The following PTPRO variants were observed in gnomAD, a reference collection of about 807,000 sequenced individuals.
PTPRO encodes the protein receptor-type tyrosine-protein phosphatase O.
Under a neutral mutation model 145.2 loss-of-function variants are expected in PTPRO, and 62 were observed. The observed-to-expected ratio is 0.43, with a 90% CI of 0.35 to 0.53. PTPRO has a LOEUF of 0.53. Among genes scored for constraint, PTPRO ranks in the 20% least tolerant of loss-of-function variants. The pLI, the probability that PTPRO is intolerant of heterozygous loss-of-function variation, is 0.01. For missense variants in PTPRO, 1,345 were observed against 1,482.7 expected, an observed-to-expected ratio of 0.91 and a Z score of 1.53; for synonymous variants, 565 against 514.7, an observed-to-expected ratio of 1.10 and a Z score of -1.32.
chr12:15,378,554 A>G (rs1938758772), intron 1 of PTPRO, among the ~76,000 whole-genome samples: 1 of 152,278 alleles, frequency 6.6e-6, no homozygotes, highest in Middle Eastern at 3.4e-3. Context: ...GTAATTTAAG[A>G]TATTCCAGTA....
intron 1 of PTPRO, among the ~76,000 whole-genome samples, chr12:15,384,340 CTTAG>C (rs1376744566): frequency 3.9e-5 from 6 of 152,022 alleles, no homozygotes; most frequent in East Asian, 1.9e-4. Flanking sequence ...AGGTCACTGT[CTTAG>C]TTAGTTTGAA....
At chr12:15,360,031 C>G (rs776814901) in intron 1 of PTPRO, among the ~76,000 whole-genome samples, 7 of 152,126 alleles carry the variant, frequency 4.6e-5, no homozygotes, top group Non-Finnish European at 1.0e-4. Context: ...CTTTATCTTT[C>G]AAGCCACCAT....
chr12:15,494,813 C>T (rs966237228), intron 2 of PTPRO, among the ~76,000 whole-genome samples: 1 of 152,188 alleles, frequency 6.6e-6, no homozygotes, highest in South Asian at 2.1e-4. Flanking sequence ...GCCCTTCTAA[C>T]TTCTCTTTTC....
Position 15,469,671 on chromosome 12 carries a change from G to A in PTPRO, c.76-14303G>A, listed in dbSNP as rs147612748. Among the ~76,000 whole-genome samples, 5 of 149,208 alleles carry A rather than the reference G, an allele frequency of 3.4e-5. No individual in the cohort carries two copies. In the East Asian group the frequency reaches 1.0e-3, roughly 30 times the overall value. The stretch of plus-strand genomic sequence containing the variant: ...AGAAATACTGACTGCTCTTGTTCGT[G>A]ATGCCACAAAGAGAAGTAATACTGA... On this transcript the variant is annotated intron_variant, in intron 1 of 26. Transcript: ENST00000281171.
chr12:15,425,246 C>A (rs1302416562), intron 1 of PTPRO, among the ~76,000 whole-genome samples: 1 of 152,102 alleles, frequency 6.6e-6, no homozygotes, highest in Non-Finnish European at 1.5e-5. Context: ...CTAACAAATA[C>A]TTATTATGTA....
chr12:15,386,563 G>C (rs1939035543), intron 1 of PTPRO, among the ~76,000 whole-genome samples: 1 of 152,084 alleles, frequency 6.6e-6, no homozygotes. Flanking sequence ...AAATTGCCAT[G>C]TTGTATGGCA....
chr12:15,532,580 C>A (rs1010815930), intron 12 of PTPRO, among the ~76,000 whole-genome samples: 1 of 152,158 alleles, frequency 6.6e-6, no homozygotes, highest in Non-Finnish European at 1.5e-5. Flanking sequence ...CTCAAGGGGG[C>A]ACTAGTGCCC....
intron 9 of PTPRO, among the ~76,000 whole-genome samples, chr12:15,519,262 G>A (rs776085487): frequency 1.1e-4 from 17 of 152,144 alleles, no homozygotes; most frequent in East Asian, 7.7e-4. Flanking sequence ...AGAACAGCAC[G>A]GGAAAGACCT....
rs560943869 is a variant in PTPRO, at chr12:15,407,321, T to C, written c.76-76653T>C. Among the ~76,000 whole-genome samples, 8 of 152,314 alleles carry C rather than the reference T, an allele frequency of 5.3e-5. No individual in the cohort carries two copies. The East Asian group carries it at 1.5e-3, about 29-fold the overall frequency. On this transcript the variant is annotated intron_variant, in intron 1 of 26. Coordinates refer to ENST00000281171, the MANE Select transcript of PTPRO (RefSeq NM_030667.3). ...CAGTTTATCTGAAGGCTCATTGAAA[T>C]TCATTTTGTGCATAAACAAAAAACT...
At chr12:15,506,863 G>A (rs1205371002) in intron 6 of PTPRO, among the ~76,000 whole-genome samples, 6 of 152,162 alleles carry the variant, frequency 3.9e-5, no homozygotes, top group Admixed American at 3.9e-4. Context: ...CAATGACTGA[G>A]ATTCAGAGAG....
chr12:15,351,089 CAG>C (rs1937788908), intron 1 of PTPRO, among the ~76,000 whole-genome samples: 1 of 151,982 alleles, frequency 6.6e-6, no homozygotes, highest in African/African-American at 2.4e-5. Context: ...CTTGGAGAAA[CAG>C]AGACCATACA....
intron 9 of PTPRO, among the ~76,000 whole-genome samples, chr12:15,518,384 C>T (rs953800423): frequency 2.0e-5 from 3 of 152,354 alleles, no homozygotes; most frequent in East Asian, 3.9e-4. Flanking sequence ...CCCAGGCCTC[C>T]AGGCCTGTGA....
At chr12:15,415,066 G>A (rs1053985909) in intron 1 of PTPRO, among the ~76,000 whole-genome samples, 1 of 152,170 alleles carries the variant, frequency 6.6e-6, no homozygotes, top group South Asian at 2.1e-4. Context: ...AGGGAAATGG[G>A]AAAGAGCTGG....
At chr12:15,333,711 G>A (rs555204830) in intron 1 of PTPRO, among the ~76,000 whole-genome samples, 1 of 152,300 alleles carries the variant, frequency 6.6e-6, no homozygotes, top group East Asian at 1.9e-4. Context: ...ACCTGGAGAT[G>A]CCATTTTGCT....
chr12:15,534,941 T>C (rs1943037872), intron 12 of PTPRO, among the ~76,000 whole-genome samples: 1 of 152,060 alleles, frequency 6.6e-6, no homozygotes, highest in South Asian at 2.1e-4. Flanking sequence ...CTACGGTGGT[T>C]GTAATGGAGA....
chr12:15,364,577 G>A (rs1017857038), intron 1 of PTPRO, among the ~76,000 whole-genome samples: 8 of 152,120 alleles, frequency 5.3e-5, no homozygotes, highest in Non-Finnish European at 1.0e-4. Flanking sequence ...TATTAGTAAA[G>A]ATGTGCATTC....
intron 5 of PTPRO, among the ~76,000 whole-genome samples, chr12:15,502,662 A>T (rs896450690): frequency 6.6e-6 from 1 of 152,168 alleles, no homozygotes; most frequent in Non-Finnish European, 1.5e-5. Context: ...TTTTGCATTG[A>T]CTAACTCAGC....
At position 15,385,060 on chromosome 12, in the gene PTPRO, G is replaced by T. The variant is rs376469772; in HGVS notation, c.75+62259G>T. ...TCATAACCTTAAATTGAATAAGTTAGATTAAATTATTTTTACCAGAAAATT... is the reference window on the plus strand; with the variant it reads ...TCATAACCTTAAATTGAATAAGTTATATTAAATTATTTTTACCAGAAAATT... On this transcript the variant is annotated intron_variant, in intron 1 of 26. Coordinates refer to ENST00000281171, the MANE Select transcript of PTPRO (RefSeq NM_030667.3). Among the ~76,000 whole-genome samples the T allele has an allele frequency of 5.9e-5, 9 of 152,302 alleles. No homozygotes were observed. In the East Asian group the frequency reaches 1.3e-3, roughly 23 times the overall value.
At chr12:15,363,288 A>C (rs1938263713) in intron 1 of PTPRO, among the ~76,000 whole-genome samples, 1 of 152,186 alleles carries the variant, frequency 6.6e-6, no homozygotes, top group African/African-American at 2.4e-5. Flanking sequence ...CCAGGGACAA[A>C]AGAAAGTAAT....
Sources: gnomAD v4.1 joint callset for allele counts (sites outside exome capture counted in the v4.1 genomes callset) on GRCh38, gnomAD v4.1.1 for gene constraint, MANE v1.5 for transcripts, NCBI Gene and HGNC (gene_info 2026-07-23, HGNC 2026-07-21) for gene names.